Variants in EYS observed in about 807,000 individuals in gnomAD.
EYS encodes EGF-like photoreceptor maintenance factor, also known as protein eyes shut homolog.
A neutral mutation model predicts 282.1 loss-of-function variants in EYS; 250 were observed. The observed-to-expected ratio is 0.89, with a 90% CI of 0.80 to 0.98. EYS has a LOEUF of 0.98. Ranked by LOEUF, EYS falls within the 50% of genes least tolerant of loss-of-function variation. EYS has a pLI of 0.00. For synonymous variants in EYS, 1,355 were observed against 1,282.9 expected, an observed-to-expected ratio of 1.06 and a Z score of -1.20; for missense variants, 4,016 against 3,709.0, an observed-to-expected ratio of 1.08 and a Z score of -2.15.
At chr6:65,331,248 C>G (rs1769786549) in intron 11 of EYS, 18 of 659,492 alleles carry the variant, frequency 2.7e-5, no homozygotes, top group Non-Finnish European at 3.4e-5. Context: ...AATATTTTAG[C>G]TAATTTAAGG....
intron 35 of EYS, among the ~76,000 whole-genome samples, chr6:63,873,209 G>C (rs879148405): frequency 1.2e-4 from 17 of 147,024 alleles, no homozygotes; most frequent in Non-Finnish European, 2.1e-4. Context: ...GTGTCCAAGT[G>C]TTCTTATTGT....
chr6:64,107,285 T>G lies in EYS; in HGVS notation c.6425-25283A>C, dbSNP rs865993079. Among the ~76,000 whole-genome samples, 150 of 101,508 alleles carry G rather than the reference T, an allele frequency of 1.5e-3. 2 individuals carry two copies. The highest frequency in any genetic ancestry group is 5.1e-3 in the African/African-American group (144 of 28,402). The allele number at this position is 101,508 out of a possible 152,430, so 66.6% of individuals were successfully genotyped here. On this transcript the variant is annotated intron_variant, in intron 31 of 42. Transcript: ENST00000503581. The stretch of plus-strand genomic sequence containing the variant: ...TGTGTGTGTGTGTATATATATATAT[T>G]TATATATATATATATATATATATAT...
chr6:64,876,356 A>G (rs573924937), intron 19 of EYS, among the ~76,000 whole-genome samples: 227 of 152,310 alleles, frequency 1.5e-3, no homozygotes, highest in Middle Eastern at 3.4e-3. Context: ...GAAAATTAAA[A>G]GAGAAAACAC....
chr6:65,076,463 T>C (rs1325837856), intron 12 of EYS, among the ~76,000 whole-genome samples: 1 of 152,006 alleles, frequency 6.6e-6, no homozygotes, highest in Non-Finnish European at 1.5e-5. Context: ...ATATTCTCTC[T>C]TGGTACTTTA....
Position 64,591,166 on chromosome 6 carries a change from A to G in EYS, c.4701T>C (p.Ser1567=). Residue 1567 remains serine (S), a synonymous_variant, in exon 26 of 43, where the codon TCT becomes TCC. Transcript: ENST00000503581. ...ATCSMTEIKS[S]REFSDQVLHS... ...GCAAAACTTGATCTGAGAATTCACG[A>G]GAGGATTTTATTTCAGTCATAGAAC... The G allele has an allele frequency of 6.4e-7, 1 of 1,551,336 alleles. No homozygotes were observed. The highest frequency in any genetic ancestry group is 8.7e-7 in the Non-Finnish European group (1 of 1,146,772).
chr6:64,279,403 T>A (rs1244979388), intron 30 of EYS, among the ~76,000 whole-genome samples: 4 of 152,056 alleles, frequency 2.6e-5, no homozygotes, highest in African/African-American at 9.7e-5. Flanking sequence ...AACAGAAAAT[T>A]TATAGTCAGG....
chr6:65,457,594 G>T (rs1364627704), intron 5 of EYS, among the ~76,000 whole-genome samples: 1 of 152,052 alleles, frequency 6.6e-6, no homozygotes, highest in Non-Finnish European at 1.5e-5. Flanking sequence ...GTATAAGTAA[G>T]AAATAATTCT....
chr6:64,795,980 G>A (rs80285590), intron 22 of EYS, among the ~76,000 whole-genome samples: 2,965 of 152,206 alleles, frequency 0.019, 95 homozygotes, highest in African/African-American at 0.068. Context: ...CAGGACTTGC[G>A]TACGTGGATG....
rs376916866 is a variant in EYS, at chr6:63,928,426, A to G, written c.7055+55957T>C. On this transcript the variant is annotated intron_variant, in intron 35 of 42. Transcript: ENST00000503581. ...CAGATGTGTCTAAAGTGCTTATGAC[A>G]TTATCAGACATACAATAGGTGATCA... is the stretch of plus-strand genomic sequence containing the variant. Among the ~76,000 whole-genome samples the G allele has an allele frequency of 1.6e-4, 24 of 152,312 alleles. No homozygotes were observed. The East Asian group carries it at 3.5e-3, about 22-fold the overall frequency.
chr6:65,546,974 T>C (rs1385913666), intron 2 of EYS, among the ~76,000 whole-genome samples: 1 of 152,020 alleles, frequency 6.6e-6, no homozygotes, highest in Non-Finnish European at 1.5e-5. Context: ...GAGTTATAAA[T>C]AGCTTAATCA....
Position 63,943,465 on chromosome 6 carries a change from A to C in EYS, c.7055+40918T>G, listed in dbSNP as rs997617166. Among the ~76,000 whole-genome samples, 3 of 152,232 alleles carry C rather than the reference A, an allele frequency of 2.0e-5. No homozygotes were observed. The South Asian group carries it at 6.2e-4, about 31-fold the overall frequency. ...AGCTTGATTCTGCATGAAAATATGA[A>C]GATATTCATGAAGATATATATTTAT... On this transcript the variant is annotated intron_variant, in intron 35 of 42. Coordinates refer to ENST00000503581, the MANE Select transcript of EYS (RefSeq NM_001142800.2).
At chr6:64,318,417 G>A (rs1230985913) in intron 29 of EYS, among the ~76,000 whole-genome samples, 12 of 151,956 alleles carry the variant, frequency 7.9e-5, no homozygotes. Flanking sequence ...ACAAAGTTTA[G>A]ACAGAGGGCA....
At chr6:64,420,129 T>C (rs978646670) in intron 28 of EYS, among the ~76,000 whole-genome samples, 2 of 152,162 alleles carry the variant, frequency 1.3e-5, no homozygotes, top group African/African-American at 4.8e-5. Context: ...AAACCTCAGT[T>C]CTCGACTTCT....
At chr6:64,000,285 G>A (rs550896891) in intron 33 of EYS, among the ~76,000 whole-genome samples, 2 of 142,558 alleles carry the variant, frequency 1.4e-5, no homozygotes, top group South Asian at 4.7e-4. Context: ...TCTGCCTCCC[G>A]GGTTCATGCC....
intron 24 of EYS, among the ~76,000 whole-genome samples, chr6:64,595,490 T>C (rs1766556725): frequency 1.3e-5 from 2 of 151,852 alleles, no homozygotes; most frequent in Admixed American, 1.3e-4. Context: ...AAAAAGGAAG[T>C]CAAACTGACC....
chr6:64,707,080 CA>C (rs1054867197), intron 22 of EYS, among the ~76,000 whole-genome samples: 3 of 149,084 alleles, frequency 2.0e-5, no homozygotes, highest in African/African-American at 7.4e-5. Context: ...AATCAGTGGA[CA>C]AAGAAATTGT....
intron 12 of EYS, among the ~76,000 whole-genome samples, chr6:65,183,019 G>C (rs755049884): frequency 6.6e-6 from 1 of 151,884 alleles, no homozygotes; most frequent in Non-Finnish European, 1.5e-5. Context: ...TCAAACTCCT[G>C]AGCTCAAGCA....
intron 5 of EYS, among the ~76,000 whole-genome samples, chr6:65,470,962 C>T (rs1289214655): frequency 6.6e-6 from 1 of 151,848 alleles, no homozygotes; most frequent in Non-Finnish European, 1.5e-5. Flanking sequence ...TACAGTGAAA[C>T]CCTGTCTCTA....
chr6:64,883,829 C>A (rs1487064220), intron 19 of EYS, among the ~76,000 whole-genome samples: 2 of 126,296 alleles, frequency 1.6e-5, no homozygotes, highest in African/African-American at 6.0e-5. Flanking sequence ...AACTCACTAC[C>A]ACTACGTGTG....
Sources: gnomAD v4.1 joint callset for allele counts (sites outside exome capture counted in the v4.1 genomes callset) on GRCh38, gnomAD v4.1.1 for gene constraint, MANE v1.5 for transcripts, NCBI Gene and HGNC (gene_info 2026-07-23, HGNC 2026-07-21) for gene names.